The following ESF1 variants were observed in gnomAD, a reference collection of about 807,000 sequenced individuals.
ESF1 encodes the protein ESF1 homolog.
ESF1 carries 58 observed loss-of-function variants against 92.0 expected under a neutral mutation model. The observed-to-expected ratio is 0.63, with a 90% CI of 0.51 to 0.78. The LOEUF (loss-of-function observed/expected upper bound fraction) is 0.78, where lower values mean the gene tolerates loss of function less well. ESF1 is among the 30% of genes least tolerant of loss of function. The probability of loss-of-function intolerance (pLI) is 0.00; values close to 1 mark genes in which losing one functional copy is unlikely to be tolerated. For synonymous variants in ESF1, 321 were observed against 313.7 expected (o/e 1.02, Z -0.24); for missense variants, 922 against 989.1 (o/e 0.93, Z 0.91).
chr20:13,743,237 C>CA (rs1262424826), intron 9 of ESF1, among the ~76,000 whole-genome samples: 3 of 152,008 alleles, frequency 2.0e-5, no homozygotes, highest in Non-Finnish European at 4.4e-5. Context: ...TTAAAAATGA[C>CA]AAGAGATAAC....
chr20:13,782,627 T>G lies in ESF1; in HGVS notation c.514A>C (p.Ile172Leu). Residue 172 changes from isoleucine to leucine, a missense_variant, in exon 2 of 14, where the codon ATT (isoleucine) becomes CTT (leucine). Physicochemically the swap from Ile to Leu is conservative, Grantham distance 5. Coordinates refer to ENST00000617257, the MANE Select transcript of ESF1 (RefSeq NM_001276380.2). The part of the protein sequence containing the change: ...TQKNKKEKKN[I>L]VQHTTDSSLE... ...GAAGAGTCTGTAGTATGTTGAACAA[T>G]GTTTTTTTTCTCTTTCTTATTTTTT... 1 of 1,608,236 alleles carries G rather than the reference T, an allele frequency of 6.2e-7. No individual in the cohort carries two copies. The highest frequency in any genetic ancestry group is 8.5e-7 in the Non-Finnish European group (1 of 1,178,678).
chr20:13,777,269 G>T (rs1979986005), intron 2 of ESF1, among the ~76,000 whole-genome samples: 1 of 152,184 alleles, frequency 6.6e-6, no homozygotes, highest in Admixed American at 6.5e-5. Flanking sequence ...ACCGACTGGA[G>T]ATTTGACACG....
chr20:13,719,993 A>G (rs539532539), intron 11 of ESF1, among the ~76,000 whole-genome samples: 1 of 152,312 alleles, frequency 6.6e-6, no homozygotes, highest in South Asian at 2.1e-4. Context: ...TGACTGGAAA[A>G]TAACATGTAT....
intron 4 of ESF1, among the ~76,000 whole-genome samples, chr20:13,774,277 A>AAATGC (rs113918882): frequency 6.6e-6 from 1 of 151,690 alleles, no homozygotes; most frequent in African/African-American, 2.4e-5. Flanking sequence ...CAAATCCCAA[A>AAATGC]TCCAAAATTC....
At position 13,772,534 on chromosome 20, in the gene ESF1, C is replaced by G. The variant is rs1201861652; in HGVS notation, c.1231G>C (p.Asp411His). 1.2e-6 allele frequency: 2 copies of G among 1,611,778 alleles called. No individual in the cohort carries two copies. The highest frequency in any genetic ancestry group is 2.7e-5 in the African/African-American group (2 of 74,898). The change falls in exon 5 of 14, where the codon GAT becomes CAT. Residue 411 changes from aspartate (D) to histidine (H), a missense_variant. Coordinates refer to ENST00000617257, the MANE Select transcript of ESF1 (RefSeq NM_001276380.2). ...TAATACCAGTCTTTTTCTGGGGCATCTTCAGGAATACTTAATAGCTCTACT... is the reference window on the plus strand; with the variant it reads ...TAATACCAGTCTTTTTCTGGGGCATGTTCAGGAATACTTAATAGCTCTACT... Reference protein sequence around the residue: ...GPVELLSIPEDAPEKDWTSRE... With the variant: ...GPVELLSIPEHAPEKDWTSRE...
chr20:13,759,667 A>G (rs759816201), intron 9 of ESF1, 25 bp downstream of exon 9: 2 of 1,565,700 alleles, frequency 1.3e-6, no homozygotes, highest in Admixed American at 4.5e-5. Context: ...CGAAAAAGAG[A>G]AAACATTTAG....
chr20:13,779,072 A>G (rs1980067019), intron 2 of ESF1, among the ~76,000 whole-genome samples: 1 of 151,978 alleles, frequency 6.6e-6, no homozygotes, highest in Non-Finnish European at 1.5e-5. Flanking sequence ...AAACCCCAAA[A>G]AGTATCTGCT....
At chr20:13,773,713 G>T (rs1008309665) in intron 4 of ESF1, among the ~76,000 whole-genome samples, 7 of 152,236 alleles carry the variant, frequency 4.6e-5, no homozygotes, top group African/African-American at 1.7e-4. Context: ...ATTGTAACTT[G>T]TAGGGTGAGT....
chr20:13,758,822 A>G (rs1979019982), intron 9 of ESF1, among the ~76,000 whole-genome samples: 1 of 152,176 alleles, frequency 6.6e-6, no homozygotes, highest in African/African-American at 2.4e-5. Context: ...TTGCCCAACA[A>G]TGTTGAAAAA....
intron 9 of ESF1, among the ~76,000 whole-genome samples, chr20:13,738,065 A>G (rs1376702233): frequency 6.6e-6 from 1 of 152,190 alleles, no homozygotes; most frequent in Admixed American, 6.5e-5. Flanking sequence ...GGGAGAAGGA[A>G]GGACACATTC....
chr20:13,734,984 A>C (rs928115821), intron 9 of ESF1, among the ~76,000 whole-genome samples: 1 of 152,126 alleles, frequency 6.6e-6, no homozygotes, highest in African/African-American at 2.4e-5. Flanking sequence ...GATACATCTA[A>C]AATGCTAGTT....
At chr20:13,748,548 G>GTGTA (rs1555823556) in intron 9 of ESF1, among the ~76,000 whole-genome samples, 2 of 49,552 alleles carry the variant, frequency 4.0e-5, no homozygotes, top group African/African-American at 7.9e-5. Context: ...ATATGTGTGT[G>GTGTA]TATATATATA....
intron 10 of ESF1, 43 bp downstream of exon 10, chr20:13,733,678 G>A (rs2049958018): frequency 2.5e-6 from 4 of 1,581,710 alleles, no homozygotes; most frequent in Non-Finnish European, 3.4e-6. Flanking sequence ...TCTGATATAT[G>A]GTTGGTATTC....
chr20:13,759,572 T>C, intron 9 of ESF1, 120 bp downstream of exon 9: 1 of 1,290,962 alleles, frequency 7.7e-7, no homozygotes, highest in Non-Finnish European at 1.0e-6. Context: ...GTTAGTTAAA[T>C]GGTGTATGCA....
At chr20:13,776,442 A>G (rs889271612) in intron 2 of ESF1, among the ~76,000 whole-genome samples, 172 bp from the exon 3 acceptor site, 1 of 152,190 alleles carries the variant, frequency 6.6e-6, no homozygotes, top group Non-Finnish European at 1.5e-5. Flanking sequence ...AATCCTAACC[A>G]TAACTTCTAT....
chr20:13,747,175 G>T (rs532066638), intron 9 of ESF1, among the ~76,000 whole-genome samples: 2 of 151,552 alleles, frequency 1.3e-5, no homozygotes, highest in Non-Finnish European at 2.9e-5. Flanking sequence ...TTCAACTTTT[G>T]TATTTGTAAT....
At position 13,714,825 on chromosome 20, in the gene ESF1, G is replaced by T; in HGVS notation, c.*49C>A. On this transcript the variant is annotated 3_prime_UTR_variant, in exon 14 of 14. Transcript: ENST00000617257. ...ATAAATATTCCCTCCTATTATTTTTGTACATTTTAGGAAAAGATGTATTCA... is the reference window on the plus strand; with the variant it reads ...ATAAATATTCCCTCCTATTATTTTTTTACATTTTAGGAAAAGATGTATTCA... The T allele has an allele frequency of 7.1e-7, 1 of 1,417,524 alleles. No homozygotes were observed. The allele number at this position is 1,417,524 out of a possible 1,614,324, so 87.8% of individuals were successfully genotyped here. A position where few individuals can be genotyped will look rare whatever the true frequency, so the allele number is the denominator to read the frequency against.
intron 9 of ESF1, among the ~76,000 whole-genome samples, chr20:13,741,433 TG>T (rs1386249172): frequency 6.6e-6 from 1 of 152,160 alleles, no homozygotes; most frequent in African/African-American, 2.4e-5. Flanking sequence ...TTCTGAAGTG[TG>T]GTACTGGTCT....
chr20:13,780,449 T>C (rs142318658), intron 2 of ESF1, among the ~76,000 whole-genome samples: 4 of 152,342 alleles, frequency 2.6e-5, no homozygotes, highest in Non-Finnish European at 4.4e-5. Context: ...ACCGGATTCC[T>C]ATCCTTTCTT....
Sources: allele counts gnomAD v4.1 joint callset (sites outside exome capture counted in the v4.1 genomes callset), GRCh38; gene constraint gnomAD v4.1.1; transcripts MANE v1.5; gene names NCBI Gene and HGNC (gene_info 2026-07-23, HGNC 2026-07-21).